SDHB: variants seen among roughly 807,000 people sequenced by gnomAD.
SDHB encodes succinate dehydrogenase complex iron sulfur subunit B.
Under a neutral mutation model 39.7 loss-of-function variants are expected in SDHB, and 21 were observed. That is an observed-to-expected ratio of 0.53 (90% CI 0.37 to 0.76). SDHB has a LOEUF of 0.76. Among genes scored for constraint, SDHB ranks in the 30% least tolerant of loss-of-function variants. The pLI is 0.00. For missense variants in SDHB, 343 were observed against 350.9 expected (o/e 0.98, Z 0.18); for synonymous variants, 118 against 117.0 (o/e 1.01, Z -0.06).
chr1:17,023,538 T>C (rs1160626089), intron 6 of SDHB, among the ~76,000 whole-genome samples: 2 of 152,240 alleles, frequency 1.3e-5, no homozygotes, highest in Non-Finnish European at 2.9e-5. Flanking sequence ...ATTTTCTTTC[T>C]AAGCAACCCC....
intron 6 of SDHB, chr1:17,023,146 A>G (rs1478068635): frequency 3.1e-6 from 1 of 327,462 alleles, no homozygotes. Flanking sequence ...AGACCTGTCT[A>G]CAGATAGTAT....
chr1:17,050,045 G>T (rs1273131227), intron 1 of SDHB, among the ~76,000 whole-genome samples: 1 of 152,176 alleles, frequency 6.6e-6, no homozygotes, highest in Admixed American at 6.5e-5. Context: ...CCTGTGGGAT[G>T]ACTGTGGTTA....
intron 2 of SDHB, among the ~76,000 whole-genome samples, chr1:17,039,173 G>A (rs2078065610): frequency 6.6e-6 from 1 of 151,902 alleles, no homozygotes; most frequent in South Asian, 2.1e-4. Flanking sequence ...TCATTTTGCT[G>A]CTGTTCTCTT....
At chr1:17,037,724 T>C (rs1443361081) in intron 2 of SDHB, among the ~76,000 whole-genome samples, 1 of 152,188 alleles carries the variant, frequency 6.6e-6, no homozygotes, top group Non-Finnish European at 1.5e-5. Context: ...CTCAGAATGT[T>C]GGGATTACAG....
At position 17,044,848 on chromosome 1, in the gene SDHB, C is replaced by A; in HGVS notation, c.113G>T (p.Arg38Leu). 6.2e-7 allele frequency: 1 copy of A among 1,613,880 alleles called. No homozygotes were observed. Among genetic ancestry groups the A allele is most frequent in the Non-Finnish European group, 8.5e-7 (1 of 1,179,962 alleles). Residue 38 changes from arginine (R) to leucine (L), a missense_variant, in exon 2 of 8, where the codon CGT becomes CTT. Coordinates refer to ENST00000375499, the MANE Select transcript of SDHB (RefSeq NM_003000.3). ...TCGATAGATGGCAAATTTCTTGATA[C>A]GGGGAGCTGTGGCTGCAGCTGTCTG... is the stretch of plus-strand genomic sequence containing the variant. ...GAQTAAATAPRIKKFAIYRWD... is the reference protein window; with the variant it reads ...GAQTAAATAPLIKKFAIYRWD...
In SDHB at chr1:17,049,049, T is replaced by C. The variant is rs551819351; in HGVS notation, c.73-4161A>G. Among the ~76,000 whole-genome samples, 3 of 152,240 alleles carry C rather than the reference T, an allele frequency of 2.0e-5. No individual in the cohort carries two copies. In the East Asian group the frequency reaches 5.8e-4, roughly 29 times the overall value. ...TTTATAGACACATGGTCTAGCTTTA[T>C]TGCCCAGGCTGGAGATCATGGCTCA... On this transcript the variant is annotated intron_variant, in intron 1 of 7. Transcript: ENST00000375499.
chr1:17,044,906 T>G lies in SDHB; in HGVS notation c.73-18A>C. On this transcript the variant is annotated intron_variant, in intron 1 of 7. Coordinates refer to ENST00000375499, the MANE Select transcript of SDHB (RefSeq NM_003000.3). Reference sequence around the variant, plus strand: ...CGGGAGGCCTGAAATTTTTTAAAGTTCACAAAAAGGAAAAAAAAATTAGAA... The same window carrying G: ...CGGGAGGCCTGAAATTTTTTAAAGTGCACAAAAAGGAAAAAAAAATTAGAA... 6.2e-7 allele frequency: 1 copy of G among 1,611,450 alleles called. No homozygotes were observed. The highest frequency in any genetic ancestry group is 1.7e-4 in the Middle Eastern group (1 of 6,050).
At chr1:17,040,700 G>A (rs960117471) in intron 2 of SDHB, among the ~76,000 whole-genome samples, 51 of 152,144 alleles carry the variant, frequency 3.4e-4, no homozygotes, top group African/African-American at 1.2e-3. Flanking sequence ...TTGGCCTCAA[G>A]TGATCCTTTT....
intron 2 of SDHB, among the ~76,000 whole-genome samples, chr1:17,040,965 C>T (rs192131116): frequency 6.6e-6 from 1 of 152,094 alleles, no homozygotes; most frequent in East Asian, 2.0e-4. Context: ...CTTGTCTTTA[C>T]TAAAAATACA....
intron 2 of SDHB, among the ~76,000 whole-genome samples, chr1:17,043,192 C>T (rs1413166838): frequency 6.6e-6 from 1 of 151,906 alleles, no homozygotes; most frequent in African/African-American, 2.4e-5. Context: ...AATGCCTGAC[C>T]CCGAGTGATC....
chr1:17,027,942 C>T (rs1206600155), intron 4 of SDHB, 77 bp from the exon 5 acceptor site: 2 of 875,884 alleles, frequency 2.3e-6, no homozygotes. Flanking sequence ...TTATTTACCC[C>T]ATTTCTTGGA....
rs143394198 is a variant in SDHB, at chr1:17,042,954, G to GTTTTTTTTTTTT, written c.200+1795_200+1806dup. On this transcript the variant is annotated intron_variant, in intron 2 of 7. Coordinates refer to ENST00000375499, the MANE Select transcript of SDHB (RefSeq NM_003000.3). ...AGCAGTAGGGTTTTTTGTTTTATGA[G>GTTTTTTTTTTTT]TTTTTTTTTTTTTTTTTTTTTTTTT... is the stretch of plus-strand genomic sequence containing the variant. 7.9e-4 allele frequency among the ~76,000 whole-genome samples: 50 copies of GTTTTTTTTTTTT among 62,894 alleles called. 7 individuals carry two copies. Among genetic ancestry groups the GTTTTTTTTTTTT allele is most frequent in the Admixed American group, 1.7e-3 (6 of 3,532 alleles). 41.3% of individuals were successfully genotyped at this position (62,894 alleles called of 152,430 possible).
intron 5 of SDHB, among the ~76,000 whole-genome samples, 179 bp from the exon 6 acceptor site, chr1:17,024,253 G>T (rs1217829589): frequency 2.0e-5 from 3 of 152,220 alleles, no homozygotes; most frequent in Non-Finnish European, 2.9e-5. Context: ...TAAAGATCTT[G>T]CAAGTGAAAT....
At position 17,024,005 on chromosome 1, in the gene SDHB, C is replaced by T; in HGVS notation, c.610G>A (p.Asp204Asn). Residue 204 changes from aspartate to asparagine, a missense_variant, in exon 6 of 8, where the codon GAC becomes AAC. Transcript: ENST00000375499. ...TSCPSYWWNG[D>N]KYLGPAVLMQ... ...AGAACTGCAGGCCCCAGATATTTGT[C>T]TCCGTTCCACCAGTAGCTGGGGCAG... is the stretch of plus-strand genomic sequence containing the variant. The T allele has an allele frequency of 6.2e-7, 1 of 1,614,082 alleles. No homozygotes were observed. Among genetic ancestry groups the T allele is most frequent in the Non-Finnish European group, 8.5e-7 (1 of 1,180,006 alleles).
intron 1 of SDHB, chr1:17,045,157 GTTAAA>G (rs535835365): frequency 5.7e-5 from 26 of 452,964 alleles, no homozygotes; most frequent in Non-Finnish European, 8.9e-5. Flanking sequence ...GTGAACAAGA[GTTAAA>G]TTAAACATTC....
chr1:17,026,163 G>A (rs1054036421), intron 5 of SDHB, among the ~76,000 whole-genome samples: 6 of 152,162 alleles, frequency 3.9e-5, no homozygotes, highest in African/African-American at 1.2e-4. Context: ...CAAAGGACTC[G>A]CTGGGCCAGA....
rs74315366 is a variant in SDHB, at chr1:17,033,078, G to C, written c.268C>G (p.Arg90Gly). 6.2e-7 allele frequency: 1 copy of C among 1,613,230 alleles called. No individual in the cohort carries two copies. The highest frequency in any genetic ancestry group is 8.5e-7 in the Non-Finnish European group (1 of 1,179,204). ...TGCTCACCTTCTCTGCATGATCTTCGGAAGGTCAAAGTAGAGTCAACTTCA... is the reference window on the plus strand; with the variant it reads ...TGCTCACCTTCTCTGCATGATCTTCCGAAGGTCAAAGTAGAGTCAACTTCA... Reference protein sequence around the residue: ...KNEVDSTLTFRRSCREGICGS... With the variant: ...KNEVDSTLTFGRSCREGICGS... Residue 90 changes from arginine (R) to glycine (G), a missense_variant, in exon 3 of 8, where the codon CGA becomes GGA. Transcript: ENST00000375499.
chr1:17,052,390 C>T (rs2078153082), intron 1 of SDHB: 1 of 152,202 alleles, frequency 6.6e-6, no homozygotes, highest in Non-Finnish European at 1.5e-5. Context: ...TATACATGTA[C>T]ATTCCCACAA....
intron 5 of SDHB, among the ~76,000 whole-genome samples, chr1:17,027,448 T>G (rs1028796918): frequency 6.6e-6 from 1 of 152,210 alleles, no homozygotes; most frequent in African/African-American, 2.4e-5. Flanking sequence ...AGTGGTCACT[T>G]TTTAAAGCCC....
Sources: allele counts gnomAD v4.1 joint callset (sites outside exome capture counted in the v4.1 genomes callset), GRCh38; gene constraint gnomAD v4.1.1; transcripts MANE v1.5; gene names NCBI Gene and HGNC (gene_info 2026-07-23, HGNC 2026-07-21).